Variants in STAU2 observed in about 807,000 individuals in gnomAD.
STAU2 encodes staufen double-stranded RNA binding protein 2, also known as double-stranded RNA-binding protein Staufen homolog 2.
In STAU2, 20 loss-of-function variants were observed where a neutral mutation model predicts 65.9. That is an observed-to-expected ratio of 0.30 (90% CI 0.21 to 0.44). STAU2 has a LOEUF of 0.44. Among genes scored for constraint, STAU2 ranks in the 20% least tolerant of loss-of-function variants. STAU2 has a pLI of 1.00. For synonymous variants in STAU2, 232 were observed against 233.9 expected, an observed-to-expected ratio of 0.99 and a Z score of 0.07; for missense variants, 558 against 683.9, an observed-to-expected ratio of 0.82 and a Z score of 2.05.
intron 4 of STAU2, among the ~76,000 whole-genome samples, chr8:73,693,186 A>C (rs889729882): frequency 6.7e-6 from 1 of 150,374 alleles, no homozygotes; most frequent in African/African-American, 2.5e-5. Flanking sequence ...AATTTAAAAA[A>C]AAGTGGGCTG....
At chr8:73,617,148 G>T in intron 7 of STAU2, 144 bp downstream of exon 7, 1 of 998,212 alleles carries the variant, frequency 1.0e-6, no homozygotes, top group Non-Finnish European at 1.4e-6. Context: ...TCACCCTGCA[G>T]GAACACATGA....
intron 5 of STAU2, among the ~76,000 whole-genome samples, chr8:73,678,876 G>A (rs1818196913): frequency 6.6e-6 from 1 of 152,142 alleles, no homozygotes; most frequent in Non-Finnish European, 1.5e-5. Flanking sequence ...GAAAGCCATG[G>A]ATTCTGCAGA....
At chr8:73,651,385 C>T (rs766018332) in intron 6 of STAU2, 22 of 668,190 alleles carry the variant, frequency 3.3e-5, no homozygotes, top group Non-Finnish European at 5.3e-5. Flanking sequence ...AGAGGCTGGC[C>T]AGGGAAATGC....
At chr8:73,518,936 T>A (rs1339892803) in intron 13 of STAU2, among the ~76,000 whole-genome samples, 1 of 152,154 alleles carries the variant, frequency 6.6e-6, no homozygotes, top group Non-Finnish European at 1.5e-5. Flanking sequence ...TTGAAATATT[T>A]AAAAAAATCA....
intron 13 of STAU2, among the ~76,000 whole-genome samples, chr8:73,512,279 T>G (rs1460525871): frequency 6.6e-6 from 1 of 152,194 alleles, no homozygotes; most frequent in Non-Finnish European, 1.5e-5. Context: ...TCAACTGCTA[T>G]CCCCAAAAGC....
intron 3 of STAU2, among the ~76,000 whole-genome samples, chr8:73,727,046 A>G (rs1056349615): frequency 6.6e-6 from 1 of 152,164 alleles, no homozygotes; most frequent in Non-Finnish European, 1.5e-5. Context: ...CCTGGCCAAC[A>G]TGGTGAAACC....
intron 13 of STAU2, among the ~76,000 whole-genome samples, chr8:73,437,115 T>C (rs1205835657): frequency 6.6e-6 from 1 of 152,228 alleles, no homozygotes; most frequent in East Asian, 1.9e-4. Context: ...ATTTGATTGA[T>C]TGATCCTTTA....
chr8:73,534,781 T>G (rs946655925), intron 13 of STAU2, among the ~76,000 whole-genome samples: 2 of 152,208 alleles, frequency 1.3e-5, no homozygotes, highest in Non-Finnish European at 2.9e-5. Context: ...AACAAAAATA[T>G]GAACATACAT....
intron 13 of STAU2, among the ~76,000 whole-genome samples, chr8:73,457,059 T>C (rs547038672): frequency 3.9e-5 from 6 of 152,370 alleles, no homozygotes; most frequent in East Asian, 1.9e-4. Context: ...CCTCAGGACA[T>C]ATTATATCCA....
intron 13 of STAU2, among the ~76,000 whole-genome samples, chr8:73,480,626 T>A (rs1438530036): frequency 1.3e-5 from 2 of 152,186 alleles, no homozygotes; most frequent in Non-Finnish European, 2.9e-5. Flanking sequence ...ATCCAAGAGA[T>A]AACTGAAAAT....
intron 2 of STAU2, among the ~76,000 whole-genome samples, chr8:73,738,837 A>G (rs971262234): frequency 2.0e-5 from 3 of 152,234 alleles, no homozygotes; most frequent in Admixed American, 6.5e-5. Flanking sequence ...ATGCAACACC[A>G]CAAGTATTCT....
chr8:73,519,144 T>G (rs1291222785), intron 13 of STAU2, among the ~76,000 whole-genome samples: 2 of 152,194 alleles, frequency 1.3e-5, no homozygotes, highest in Non-Finnish European at 2.9e-5. Context: ...CACTTGGCGC[T>G]GCTGACGTAC....
intron 14 of STAU2, 98 bp downstream of exon 14, chr8:73,422,516 G>T: frequency 1.1e-6 from 1 of 878,758 alleles, no homozygotes; most frequent in Non-Finnish European, 1.6e-6. Context: ...GTAAGATGTA[G>T]ATACTATTGT....
intron 13 of STAU2, among the ~76,000 whole-genome samples, chr8:73,458,186 C>G (rs982441983): frequency 6.6e-6 from 1 of 152,194 alleles, no homozygotes; most frequent in Non-Finnish European, 1.5e-5. Flanking sequence ...CTCAGCTTTA[C>G]TTCCATAAAA....
At chr8:73,524,951 G>A (rs961176294) in intron 13 of STAU2, among the ~76,000 whole-genome samples, 1 of 152,126 alleles carries the variant, frequency 6.6e-6, no homozygotes, top group Non-Finnish European at 1.5e-5. Flanking sequence ...GAGGGTAACG[G>A]CAACATAATG....
intron 10 of STAU2, among the ~76,000 whole-genome samples, chr8:73,602,517 TG>T (rs936240314): frequency 6.6e-6 from 1 of 152,184 alleles, no homozygotes; most frequent in Non-Finnish European, 1.5e-5. Context: ...AAGACTAGCC[TG>T]GGCTACATAG....
intron 6 of STAU2, chr8:73,653,012 T>C (rs1306315519): frequency 6.6e-6 from 1 of 152,180 alleles, no homozygotes; most frequent in Non-Finnish European, 1.5e-5. Context: ...GCCCTGCTAC[T>C]CTTACTTTGC....
At chr8:73,716,174 C>T (rs1472375063) in intron 3 of STAU2, among the ~76,000 whole-genome samples, 5 of 151,864 alleles carry the variant, frequency 3.3e-5, no homozygotes, top group East Asian at 3.9e-4. Context: ...CTGCAAGCTC[C>T]GCCTCCCGGG....
chr8:73,508,935 A>T (rs775243711), intron 13 of STAU2, among the ~76,000 whole-genome samples: 3 of 152,192 alleles, frequency 2.0e-5, no homozygotes, highest in Non-Finnish European at 2.9e-5. Flanking sequence ...CCAGTTTTTG[A>T]CTACTATGAA....
Sources: gnomAD v4.1 joint callset for allele counts (sites outside exome capture counted in the v4.1 genomes callset) on GRCh38, gnomAD v4.1.1 for gene constraint, MANE v1.5 for transcripts, NCBI Gene and HGNC (gene_info 2026-07-23, HGNC 2026-07-21) for gene names.